The following TAFA4 variants were observed in gnomAD, a reference collection of about 807,000 sequenced individuals.
The protein encoded by TAFA4 is chemokine-like protein TAFA-4.
Under a neutral mutation model 21.1 loss-of-function variants are expected in TAFA4, and 20 were observed. The observed-to-expected ratio is 0.95, with a 90% confidence interval of 0.67 to 1.38. TAFA4 has a LOEUF of 1.38. Ranked by LOEUF, TAFA4 falls within the 40% of genes most tolerant of loss-of-function variation. TAFA4 has a pLI of 0.00. For missense variants in TAFA4, 211 were observed against 180.9 expected (o/e 1.17, Z -0.95); for synonymous variants, 71 against 67.4 (o/e 1.05, Z -0.26).
chr3:68,752,254 G>A (rs1702568988), intron 4 of TAFA4, among the ~76,000 whole-genome samples: 1 of 152,150 alleles, frequency 6.6e-6, no homozygotes. Flanking sequence ...CACGGCGTCT[G>A]CTGGAAGAAG....
intron 2 of TAFA4, among the ~76,000 whole-genome samples, chr3:68,881,288 A>G (rs1014135345): frequency 6.6e-6 from 1 of 152,182 alleles, no homozygotes; most frequent in Admixed American, 6.5e-5. Context: ...CTGTACCCTA[A>G]GGCTTTCTGG....
In TAFA4 at chr3:68,885,283, T is replaced by G. The variant is rs4855535; in HGVS notation, c.-95A>C. On this transcript the variant is annotated 5_prime_UTR_variant, in exon 2 of 6. Coordinates refer to ENST00000295569, the MANE Select transcript of TAFA4 (RefSeq NM_182522.5). ...TGCTAGAACCAATCATTTCTGCCGT[T>G]CCAAAAAATTATCGTAGCTCAGAAG... 203,298 of 1,201,552 alleles carry G rather than the reference T, an allele frequency of 0.17. 22,778 individuals are homozygous for G. Among genetic ancestry groups the G allele is most frequent in the East Asian group, 0.49 (19,472 of 39,632 alleles). 74.4% of individuals were successfully genotyped at this position (1,201,552 alleles called of 1,614,324 possible).
intron 3 of TAFA4, among the ~76,000 whole-genome samples, chr3:68,805,427 C>A (rs1340072067): frequency 6.6e-6 from 1 of 152,146 alleles, no homozygotes; most frequent in Non-Finnish European, 1.5e-5. Flanking sequence ...CTAGAAATAC[C>A]ATTTGACCCA....
chr3:68,851,142 C>A (rs1704938664), intron 3 of TAFA4, among the ~76,000 whole-genome samples: 1 of 152,080 alleles, frequency 6.6e-6, no homozygotes, highest in Non-Finnish European at 1.5e-5. Flanking sequence ...TATATATACA[C>A]CATGGAATAC....
intron 1 of TAFA4, among the ~76,000 whole-genome samples, chr3:68,909,909 C>T (rs1304731720): frequency 6.6e-6 from 1 of 152,190 alleles, no homozygotes; most frequent in Non-Finnish European, 1.5e-5. Context: ...GCTTTCTCAC[C>T]TGGAGGCTTG....
intron 3 of TAFA4, among the ~76,000 whole-genome samples, chr3:68,874,373 T>C (rs560253417): frequency 1.3e-4 from 20 of 152,262 alleles, no homozygotes; most frequent in African/African-American, 4.1e-4. Flanking sequence ...AAGCAACACC[T>C]AGGAAAATAC....
chr3:68,813,539 T>C (rs1253305344), intron 3 of TAFA4, among the ~76,000 whole-genome samples: 3 of 152,104 alleles, frequency 2.0e-5, no homozygotes, highest in Non-Finnish European at 4.4e-5. Context: ...TATAAACACC[T>C]CTATGCAAAT....
At chr3:68,737,928 G>A (rs1433240846) in intron 5 of TAFA4, among the ~76,000 whole-genome samples, 1 of 152,188 alleles carries the variant, frequency 6.6e-6, no homozygotes, top group Non-Finnish European at 1.5e-5. Context: ...CCTTGGTCAT[G>A]TCATTTTTCA....
At position 68,789,128 on chromosome 3, in the gene TAFA4, G is replaced by C. The variant is rs940889423; in HGVS notation, c.131-36110C>G. 8.5e-5 allele frequency among the ~76,000 whole-genome samples: 13 copies of C among 152,124 alleles called. No homozygotes were observed. In the East Asian group the frequency reaches 2.5e-3, roughly 30 times the overall value. On this transcript the variant is annotated intron_variant, in intron 3 of 5. Transcript: ENST00000295569. Reference sequence around the variant, plus strand: ...GGTGCCTAGTCCCAGCTACTAGGGGGGCTGAGGCAGGAGAATGGTGTGAAC... The same window carrying C: ...GGTGCCTAGTCCCAGCTACTAGGGGCGCTGAGGCAGGAGAATGGTGTGAAC...
intron 3 of TAFA4, among the ~76,000 whole-genome samples, chr3:68,873,972 A>C (rs1015631205): frequency 8.5e-5 from 13 of 152,100 alleles, no homozygotes; most frequent in African/African-American, 2.7e-4. Context: ...TGCTGCTAAC[A>C]ACACTGTTGC....
At chr3:68,814,765 T>C (rs1328856485) in intron 3 of TAFA4, among the ~76,000 whole-genome samples, 2 of 152,080 alleles carry the variant, frequency 1.3e-5, no homozygotes, top group Non-Finnish European at 2.9e-5. Context: ...TTCAACGCCA[T>C]ACCCATCAAG....
At chr3:68,930,507 A>T (rs1329792733) in intron 1 of TAFA4, among the ~76,000 whole-genome samples, 1 of 152,248 alleles carries the variant, frequency 6.6e-6, no homozygotes, top group Admixed American at 6.5e-5. Context: ...GAGGGATGAA[A>T]GCAAAGTCAC....
At chr3:68,777,479 T>C (rs981509394) in intron 3 of TAFA4, among the ~76,000 whole-genome samples, 2 of 152,142 alleles carry the variant, frequency 1.3e-5, no homozygotes, top group Admixed American at 1.3e-4. Context: ...AGCATTTAAC[T>C]GTAAATTAAT....
intron 3 of TAFA4, among the ~76,000 whole-genome samples, chr3:68,815,282 G>A (rs973608011): frequency 6.6e-6 from 1 of 152,092 alleles, no homozygotes; most frequent in African/African-American, 2.4e-5. Context: ...AAACACCAAA[G>A]CAATGGCAAC....
At chr3:68,744,089 T>G (rs1402488642) in intron 4 of TAFA4, among the ~76,000 whole-genome samples, 2 of 152,228 alleles carry the variant, frequency 1.3e-5, no homozygotes, top group African/African-American at 2.4e-5. Flanking sequence ...TTTAAAATAC[T>G]TTGTCTTCAA....
Position 68,784,815 on chromosome 3 carries a change from G to A in TAFA4, c.131-31797C>T, listed in dbSNP as rs538741795. Among the ~76,000 whole-genome samples the A allele has an allele frequency of 6.3e-4, 96 of 152,270 alleles. 2 individuals are homozygous for A. In the South Asian group the frequency reaches 0.019, roughly 30 times the overall value. On this transcript the variant is annotated intron_variant, in intron 3 of 5. Coordinates refer to ENST00000295569, the MANE Select transcript of TAFA4 (RefSeq NM_182522.5). The stretch of plus-strand genomic sequence containing the variant: ...GTTTTGACAGGGCGCTGATTGGTGC[G>A]TTTACAACCCCTGAGCTAGACACAA...
chr3:68,758,770 A>G (rs578251640), intron 3 of TAFA4, among the ~76,000 whole-genome samples: 1 of 152,244 alleles, frequency 6.6e-6, no homozygotes, highest in Non-Finnish European at 1.5e-5. Flanking sequence ...GCAGAAAATA[A>G]GGATCCAGTG....
rs181577759 is a variant in TAFA4 at position 68,809,207 on chromosome 3, T to C, written c.131-56189A>G. Among the ~76,000 whole-genome samples the C allele has an allele frequency of 8.5e-5, 13 of 152,364 alleles. No homozygotes were observed. In the East Asian group the frequency reaches 2.3e-3, roughly 27 times the overall value. ...AGCAACAATCCATTTACAGGTATTC[T>C]ACTCAAATATGATGATAGAAGTGAG... On this transcript the variant is annotated intron_variant, in intron 3 of 5. Coordinates refer to ENST00000295569, the MANE Select transcript of TAFA4 (RefSeq NM_182522.5).
At chr3:68,773,207 G>A (rs1702990299) in intron 3 of TAFA4, among the ~76,000 whole-genome samples, 1 of 152,046 alleles carries the variant, frequency 6.6e-6, no homozygotes, top group South Asian at 2.1e-4. Context: ...CAAATTCAGG[G>A]GTTCCCACAA....
Sources: allele counts gnomAD v4.1 joint callset (sites outside exome capture counted in the v4.1 genomes callset), GRCh38; gene constraint gnomAD v4.1.1; transcripts MANE v1.5; gene names NCBI Gene and HGNC (gene_info 2026-07-23, HGNC 2026-07-21).